The following RGS7 variants were observed in gnomAD, a reference collection of about 807,000 sequenced individuals.
RGS7 encodes the protein regulator of G-protein signaling 7.
In RGS7, 27 loss-of-function variants were observed where a neutral mutation model predicts 81.1. That is an observed-to-expected ratio of 0.33 (90% confidence interval 0.25 to 0.46). RGS7 has a LOEUF of 0.46. Among genes scored for constraint, RGS7 ranks in the 20% least tolerant of loss-of-function variants. The pLI is 1.00. For missense variants in RGS7, 396 were observed against 607.4 expected, an observed-to-expected ratio of 0.65 and a Z score of 3.66; for synonymous variants, 208 against 207.7, an observed-to-expected ratio of 1.00 and a Z score of -0.01.
chr1:240,925,207 T>C (rs1674238087), intron 6 of RGS7, among the ~76,000 whole-genome samples: 3 of 152,290 alleles, frequency 2.0e-5, no homozygotes, highest in African/African-American at 7.2e-5. Context: ...CTTTGGGGTA[T>C]GACTGATCCC....
At chr1:240,885,455 A>G (rs1036084000) in intron 6 of RGS7, among the ~76,000 whole-genome samples, 3 of 152,184 alleles carry the variant, frequency 2.0e-5, no homozygotes, top group African/African-American at 7.2e-5. Flanking sequence ...GCCAATGTTC[A>G]CTGTAGCACT....
At chr1:241,276,554 T>C (rs1446118432) in intron 2 of RGS7, among the ~76,000 whole-genome samples, 2 of 152,222 alleles carry the variant, frequency 1.3e-5, no homozygotes, top group African/African-American at 4.8e-5. Flanking sequence ...GACAATCTGC[T>C]ACGATTTGCA....
At chr1:241,013,172 C>T (rs1412623134) in intron 3 of RGS7, among the ~76,000 whole-genome samples, 1 of 149,840 alleles carries the variant, frequency 6.7e-6, no homozygotes, top group African/African-American at 2.5e-5. Context: ...AAGCGATTCT[C>T]GTGCCTCAGC....
chr1:241,007,591 T>C (rs2058738188), intron 3 of RGS7, among the ~76,000 whole-genome samples: 1 of 152,130 alleles, frequency 6.6e-6, no homozygotes, highest in Non-Finnish European at 1.5e-5. Context: ...TTTTCTGAGA[T>C]AGAAAGAAAG....
chr1:241,245,997 G>A (rs1267984990), intron 2 of RGS7, among the ~76,000 whole-genome samples: 15 of 151,918 alleles, frequency 9.9e-5, no homozygotes, highest in African/African-American at 3.1e-4. Flanking sequence ...CCAGCTACTC[G>A]GAAGGCTGAG....
chr1:241,350,322 G>A (rs760973201), intron 2 of RGS7, among the ~76,000 whole-genome samples: 1 of 152,068 alleles, frequency 6.6e-6, no homozygotes, highest in Non-Finnish European at 1.5e-5. Context: ...TATGTTTAGG[G>A]TAGACAACAT....
At chr1:240,979,865 G>A (rs537527325) in intron 4 of RGS7, among the ~76,000 whole-genome samples, 1 of 152,278 alleles carries the variant, frequency 6.6e-6, no homozygotes, top group East Asian at 1.9e-4. Context: ...TTTGTTCAAA[G>A]AGAGAATATT....
At chr1:241,321,385 G>A (rs547006016) in intron 2 of RGS7, among the ~76,000 whole-genome samples, 1 of 152,244 alleles carries the variant, frequency 6.6e-6, no homozygotes, top group South Asian at 2.1e-4. Flanking sequence ...CTGTTTTCAA[G>A]CAATTTGGAG....
chr1:240,868,960 G>T lies in RGS7; in HGVS notation c.451-108C>A. The T allele has an allele frequency of 1.0e-6, 1 of 985,094 alleles. No individual in the cohort carries two copies. The highest frequency in any genetic ancestry group is 1.6e-6 in the Non-Finnish European group (1 of 613,610). 61.0% of individuals were successfully genotyped at this position (985,094 alleles called of 1,614,324 possible). On this transcript the variant is annotated intron_variant, in intron 7 of 18. Transcript: ENST00000440928. The surrounding 1 kb of genome is among the most constrained non-coding windows in gnomAD (Gnocchi z 5.1). Reference sequence around the variant, plus strand: ...AGGAAACAAATAGAGAGTTTCTAAAGCCCTAAGTGTACTGTGGTTCTCAAT... The same window carrying T: ...AGGAAACAAATAGAGAGTTTCTAAATCCCTAAGTGTACTGTGGTTCTCAAT...
At chr1:241,160,126 A>AG (rs1281656815) in intron 2 of RGS7, among the ~76,000 whole-genome samples, 3 of 120,088 alleles carry the variant, frequency 2.5e-5, no homozygotes, top group Admixed American at 8.3e-5. Flanking sequence ...AAAAAAAAAA[A>AG]AAAAGAAAAA....
chr1:241,253,636 C>A (rs919027313), intron 2 of RGS7, among the ~76,000 whole-genome samples: 1 of 152,146 alleles, frequency 6.6e-6, no homozygotes. Context: ...TTATGCCCAC[C>A]GTTGTGTCAG....
intron 2 of RGS7, among the ~76,000 whole-genome samples, chr1:241,162,207 T>C (rs1043249746): frequency 7.4e-6 from 1 of 135,770 alleles, no homozygotes; most frequent in Non-Finnish European, 1.6e-5. Context: ...ATAAAACACC[T>C]GAAACTGGTG....
At position 241,357,153 on chromosome 1, in the gene RGS7, C is replaced by G. The variant is rs1163365216; in HGVS notation, c.-305G>C. On this transcript the variant is annotated 5_prime_UTR_variant, in exon 1 of 19. Coordinates refer to ENST00000440928, the MANE Select transcript of RGS7 (RefSeq NM_001364886.1). ...CTGGGCCGCCTCGCTGGCTCTCTCCCTCCTCCGCTTCTTCTCCCGGGGACT... is the reference window on the plus strand; with the variant it reads ...CTGGGCCGCCTCGCTGGCTCTCTCCGTCCTCCGCTTCTTCTCCCGGGGACT... 2.6e-5 allele frequency: 4 copies of G among 152,048 alleles called. No homozygotes were observed. The highest frequency in any genetic ancestry group is 4.4e-5 in the Non-Finnish European group (3 of 68,046). The allele number at this position is 152,048 out of a possible 1,614,324, so 9.4% of individuals were successfully genotyped here.
At chr1:240,981,689 C>A (rs1004078684) in intron 4 of RGS7, among the ~76,000 whole-genome samples, 4 of 152,160 alleles carry the variant, frequency 2.6e-5, no homozygotes, top group Non-Finnish European at 2.9e-5. Flanking sequence ...TTTGTCTTTA[C>A]CTAATTGTTT....
Position 241,233,450 on chromosome 1 carries a change from G to A in RGS7, c.78+122249C>T, listed in dbSNP as rs115475121. On this transcript the variant is annotated intron_variant, in intron 2 of 18. Transcript: ENST00000440928. ...CTATCTTCATGAGATCCACTCGCTA[G>A]CTCTCACAGTCTCACATATGACTGA... 2.8e-3 allele frequency among the ~76,000 whole-genome samples: 424 copies of A among 152,252 alleles called. 2 individuals carry two copies. Among genetic ancestry groups the A allele is most frequent in the African/African-American group, 0.01 (417 of 41,544 alleles).
At chr1:241,246,526 T>C (rs1044479070) in intron 2 of RGS7, among the ~76,000 whole-genome samples, 3 of 152,092 alleles carry the variant, frequency 2.0e-5, no homozygotes, top group African/African-American at 4.8e-5. Flanking sequence ...AAGGCATGTG[T>C]TAAACTAGAA....
intron 15 of RGS7, 59 bp downstream of exon 15, chr1:240,806,081 C>T (rs2103070773): frequency 7.2e-7 from 1 of 1,396,796 alleles, no homozygotes; most frequent in Middle Eastern, 2.4e-4. Context: ...AAAATGAATA[C>T]ATCTAACGCT....
rs553888712 is a variant in RGS7 at position 241,012,508 on chromosome 1, C to A, written c.176-29379G>T. 2.9e-4 allele frequency among the ~76,000 whole-genome samples: 44 copies of A among 152,258 alleles called. 1 individual carries two copies. In the South Asian group the frequency reaches 8.7e-3, roughly 30 times the overall value. ...AATAGGCAAGATTAAACCACATTTC[C>A]AAAATCTCTCATTATCCCCCTTCCT... On this transcript the variant is annotated intron_variant, in intron 3 of 18. Transcript: ENST00000440928.
chr1:240,967,577 G>T (rs990694897), intron 4 of RGS7, among the ~76,000 whole-genome samples: 2 of 130,706 alleles, frequency 1.5e-5, no homozygotes, highest in Admixed American at 7.7e-5. Context: ...GTGGGGGGGG[G>T]GGGGAAAAGG....
Sources: gnomAD v4.1 joint callset for allele counts (sites outside exome capture counted in the v4.1 genomes callset) on GRCh38, gnomAD v4.1.1 for gene constraint, Gnocchi (gnomAD v3.1) non-coding constraint, MANE v1.5 for transcripts, NCBI Gene and HGNC (gene_info 2026-07-23, HGNC 2026-07-21) for gene names.